Variants in SLC9A9 observed in about 807,000 individuals in gnomAD.
SLC9A9 encodes sodium/hydrogen exchanger 9.
Under a neutral mutation model 77.8 loss-of-function variants are expected in SLC9A9, and 62 were observed. That is an observed-to-expected ratio of 0.80 (90% CI 0.65 to 0.98). The LOEUF is 0.98. SLC9A9 is among the 50% of genes least tolerant of loss of function. SLC9A9 has a pLI of 0.00. For missense variants in SLC9A9, 775 were observed against 774.9 expected, an observed-to-expected ratio of 1.00 and a Z score of 0.00; for synonymous variants, 320 against 283.5, an observed-to-expected ratio of 1.13 and a Z score of -1.29.
intron 9 of SLC9A9, chr3:143,517,889 G>T: frequency 6.5e-7 from 1 of 1,546,350 alleles, no homozygotes; most frequent in Non-Finnish European, 8.9e-7. Context: ...TTAATCATTT[G>T]CCTGATCCAT....
At chr3:143,547,725 C>T (rs959812534) in intron 9 of SLC9A9, among the ~76,000 whole-genome samples, 1 of 152,088 alleles carries the variant, frequency 6.6e-6, no homozygotes, top group Non-Finnish European at 1.5e-5. Flanking sequence ...TACTTTTTTT[C>T]AAATATCACC....
At chr3:143,629,606 G>T (rs2038387991) in intron 6 of SLC9A9, among the ~76,000 whole-genome samples, 1 of 151,442 alleles carries the variant, frequency 6.6e-6, no homozygotes, top group Admixed American at 6.6e-5. Flanking sequence ...TGTGTGTAGT[G>T]GGGGGCAAGG....
intron 8 of SLC9A9, among the ~76,000 whole-genome samples, chr3:143,571,944 C>T (rs1037217596): frequency 6.6e-6 from 1 of 152,228 alleles, no homozygotes; most frequent in Admixed American, 6.5e-5. Flanking sequence ...ATGCTCACAC[C>T]TAGAATTTGG....
intron 14 of SLC9A9, among the ~76,000 whole-genome samples, chr3:143,341,367 T>G (rs912648012): frequency 4.6e-5 from 7 of 152,138 alleles, no homozygotes; most frequent in African/African-American, 1.7e-4. Context: ...ATAAAAATAA[T>G]CATCCATTCA....
chr3:143,788,670 G>A (rs11706563), intron 4 of SLC9A9, among the ~76,000 whole-genome samples: 75,584 of 136,438 alleles, frequency 0.55, 22,673 homozygotes, highest in African/African-American at 0.8. Context: ...CAGCCTGGGC[G>A]ACAGAGTGAG....
At chr3:143,750,128 A>T (rs1304876921) in intron 4 of SLC9A9, among the ~76,000 whole-genome samples, 1 of 152,220 alleles carries the variant, frequency 6.6e-6, no homozygotes, top group African/African-American at 2.4e-5. Flanking sequence ...TAAATGCATA[A>T]TGCCGTATTG....
chr3:143,840,117 G>T (rs112945262), intron 1 of SLC9A9, among the ~76,000 whole-genome samples: 5 of 152,282 alleles, frequency 3.3e-5, no homozygotes, highest in African/African-American at 1.2e-4. Context: ...TTACCGGGCC[G>T]CACCCACCCC....
intron 4 of SLC9A9, among the ~76,000 whole-genome samples, chr3:143,749,367 C>T (rs775175858): frequency 1.3e-5 from 2 of 152,006 alleles, no homozygotes; most frequent in African/African-American, 2.4e-5. Context: ...AAATCAAAAA[C>T]ACAACAATAG....
intron 7 of SLC9A9, among the ~76,000 whole-genome samples, chr3:143,575,181 G>C (rs1314413978): frequency 6.6e-6 from 1 of 152,164 alleles, no homozygotes; most frequent in Non-Finnish European, 1.5e-5. Flanking sequence ...TTGACAATGA[G>C]AATAATACCT....
chr3:143,413,004 C>T (rs1242339267), intron 12 of SLC9A9, among the ~76,000 whole-genome samples: 1 of 152,208 alleles, frequency 6.6e-6, no homozygotes, highest in Non-Finnish European at 1.5e-5. Context: ...TGGTCCTGAA[C>T]ATCCAGGGAT....
At chr3:143,514,324 C>A (rs1385639028) in intron 9 of SLC9A9, among the ~76,000 whole-genome samples, 1 of 151,916 alleles carries the variant, frequency 6.6e-6, no homozygotes, top group Non-Finnish European at 1.5e-5. Context: ...AGAGCACAGG[C>A]AGAGTAGATT....
chr3:143,585,783 C>T (rs1196664819), intron 6 of SLC9A9, among the ~76,000 whole-genome samples: 2 of 152,214 alleles, frequency 1.3e-5, no homozygotes, highest in Non-Finnish European at 2.9e-5. Context: ...CCTTCAGGTT[C>T]TGCTCATGCT....
At chr3:143,331,388 C>T (rs1312896244) in intron 14 of SLC9A9, among the ~76,000 whole-genome samples, 1 of 152,172 alleles carries the variant, frequency 6.6e-6, no homozygotes, top group Non-Finnish European at 1.5e-5. Flanking sequence ...ACTAATAGAC[C>T]TTTTACAATT....
chr3:143,465,173 C>T (rs186071213), intron 12 of SLC9A9, among the ~76,000 whole-genome samples: 4 of 152,182 alleles, frequency 2.6e-5, no homozygotes, highest in Non-Finnish European at 5.9e-5. Flanking sequence ...CCATGCTGTG[C>T]CCCCTGGAAG....
chr3:143,617,555 T>G (rs562342394), intron 6 of SLC9A9, among the ~76,000 whole-genome samples: 10 of 152,354 alleles, frequency 6.6e-5, no homozygotes, highest in Admixed American at 1.3e-4. Flanking sequence ...ACATTTAACA[T>G]TTTAAAATTA....
chr3:143,357,367 T>A (rs921930163), intron 14 of SLC9A9, among the ~76,000 whole-genome samples: 1 of 152,152 alleles, frequency 6.6e-6, no homozygotes, highest in African/African-American at 2.4e-5. Context: ...CAACCATGCC[T>A]ACCCTCAGTA....
intron 12 of SLC9A9, among the ~76,000 whole-genome samples, chr3:143,423,861 CAAG>C (rs1444533117): frequency 6.6e-6 from 1 of 152,172 alleles, no homozygotes; most frequent in Non-Finnish European, 1.5e-5. Context: ...TGGCATGTGA[CAAG>C]AAGAATGCAG....
At chr3:143,820,961 T>C (rs1469969377) in intron 2 of SLC9A9, among the ~76,000 whole-genome samples, 1 of 151,584 alleles carries the variant, frequency 6.6e-6, no homozygotes, top group Non-Finnish European at 1.5e-5. Context: ...CTTTGAGGTG[T>C]GTATGCAGCT....
At chr3:143,272,211 C>T (rs180891846) in intron 14 of SLC9A9, among the ~76,000 whole-genome samples, 1 of 152,302 alleles carries the variant, frequency 6.6e-6, no homozygotes, top group East Asian at 1.9e-4. Flanking sequence ...TTCCATCATA[C>T]ACTCACAGGT....
Sources: allele counts gnomAD v4.1 joint callset (sites outside exome capture counted in the v4.1 genomes callset), GRCh38; gene constraint gnomAD v4.1.1; transcripts MANE v1.5; gene names NCBI Gene and HGNC (gene_info 2026-07-23, HGNC 2026-07-21).